MND1: variants seen among roughly 807,000 people sequenced by gnomAD.
MND1 encodes the protein meiotic nuclear division protein 1 homolog.
A neutral mutation model predicts 35.1 loss-of-function variants in MND1; 28 were observed. That is an observed-to-expected ratio of 0.80 (90% CI 0.59 to 1.09). The LOEUF is 1.09. MND1 is among the 50% of genes least tolerant of loss of function. The probability of loss-of-function intolerance (pLI) is 0.00; values close to 1 mark genes in which losing one functional copy is unlikely to be tolerated. For missense variants in MND1, 213 were observed against 239.6 expected, an observed-to-expected ratio of 0.89 and a Z score of 0.73; for synonymous variants, 69 against 70.5, an observed-to-expected ratio of 0.98 and a Z score of 0.11.
intron 4 of MND1, among the ~76,000 whole-genome samples, chr4:153,383,026 A>T (rs1310943750): frequency 6.6e-6 from 1 of 152,162 alleles, no homozygotes; most frequent in Non-Finnish European, 1.5e-5. Flanking sequence ...TGTGAAAATA[A>T]TTTTGCTGAT....
At chr4:153,382,373 G>C (rs915824482) in intron 4 of MND1, among the ~76,000 whole-genome samples, 1 of 152,160 alleles carries the variant, frequency 6.6e-6, no homozygotes, top group African/African-American at 2.4e-5. Context: ...CACAACTCTT[G>C]AGCTAGTTTG....
intron 4 of MND1, among the ~76,000 whole-genome samples, chr4:153,371,220 T>A (rs1231482413): frequency 2.0e-5 from 3 of 152,038 alleles, no homozygotes. Context: ...CAGAGTAGAT[T>A]TAGAATAATT....
chr4:153,375,162 A>G (rs1408339703), intron 4 of MND1, among the ~76,000 whole-genome samples: 1 of 152,180 alleles, frequency 6.6e-6, no homozygotes, highest in East Asian at 1.9e-4. Context: ...TTATATAGCT[A>G]TGGGAGACTT....
intron 2 of MND1, among the ~76,000 whole-genome samples, chr4:153,353,449 T>TATATA (rs1773267927): frequency 1.2e-5 from 1 of 83,440 alleles, no homozygotes; most frequent in Non-Finnish European, 2.6e-5. Flanking sequence ...ATATATATAT[T>TATATA]CATCTATCCA....
chr4:153,403,492 G>C (rs1285886772), intron 6 of MND1, among the ~76,000 whole-genome samples: 2 of 152,212 alleles, frequency 1.3e-5, no homozygotes, highest in Non-Finnish European at 2.9e-5. Flanking sequence ...AGAGACTTAA[G>C]TGGCCACACT....
Position 153,380,413 on chromosome 4 carries a change from G to A in MND1, c.277-13849G>A, listed in dbSNP as rs144445217. Among the ~76,000 whole-genome samples, 71 of 152,176 alleles carry A rather than the reference G, an allele frequency of 4.7e-4. 1 individual carries two copies. In the East Asian group the frequency reaches 0.012, roughly 26 times the overall value. ...AGAAAGAAAGATGAACTGTCTTCTT[G>A]GACATCTCTCTTTATCCAGGAGAAG... On this transcript the variant is annotated intron_variant, in intron 4 of 7. Coordinates refer to ENST00000240488, the MANE Select transcript of MND1 (RefSeq NM_032117.4).
intron 3 of MND1, among the ~76,000 whole-genome samples, chr4:153,358,154 A>C (rs769027345): frequency 6.6e-6 from 1 of 152,212 alleles, no homozygotes; most frequent in Non-Finnish European, 1.5e-5. Context: ...AATTAGGCAT[A>C]AAGAACAATT....
At chr4:153,366,664 T>C (rs182952976) in intron 4 of MND1, among the ~76,000 whole-genome samples, 268 of 152,358 alleles carry the variant, frequency 1.8e-3, no homozygotes, top group African/African-American at 6.1e-3. Context: ...TAGAGTGTTA[T>C]TGGTTACAAG....
rs114644558 is a variant in MND1, at chr4:153,350,486, A to G, written c.69+357A>G. ...TTGGATCTCAAACAATAGAAGCCATAGTTCCAGGATTCAAACCAGGGAGGA... is the reference window on the plus strand; with the variant it reads ...TTGGATCTCAAACAATAGAAGCCATGGTTCCAGGATTCAAACCAGGGAGGA... On this transcript the variant is annotated intron_variant, in intron 2 of 7. Transcript: ENST00000240488. 4.2e-3 allele frequency among the ~76,000 whole-genome samples: 643 copies of G among 152,344 alleles called. 4 individuals carry two copies. Among genetic ancestry groups the G allele is most frequent in the African/African-American group, 0.015 (608 of 41,576 alleles).
In MND1 at chr4:153,397,206, A is replaced by G. The variant is rs1454807183; in HGVS notation, c.352-13A>G. Reference sequence around the variant, plus strand: ...GTTTGTCTTAATTGAACATAAAACTATCTGGAATGCAGGAAGAGCGAACCA... The same window carrying G: ...GTTTGTCTTAATTGAACATAAAACTGTCTGGAATGCAGGAAGAGCGAACCA... On this transcript the variant is annotated splice_polypyrimidine_tract_variant and intron_variant, in intron 5 of 7. Coordinates refer to ENST00000240488, the MANE Select transcript of MND1 (RefSeq NM_032117.4). 10 of 1,595,584 alleles carry G rather than the reference A, an allele frequency of 6.3e-6. No homozygotes were observed. Among genetic ancestry groups the G allele is most frequent in the Admixed American group, 3.5e-5 (2 of 57,610 alleles).
intron 3 of MND1, among the ~76,000 whole-genome samples, chr4:153,356,469 C>T (rs1773342842): frequency 2.2e-5 from 3 of 136,188 alleles, no homozygotes; most frequent in African/African-American, 5.5e-5. Context: ...AGGAGAATGG[C>T]GTGAACCCAG....
chr4:153,411,346 C>T (rs1729679253), intron 7 of MND1, among the ~76,000 whole-genome samples: 1 of 152,060 alleles, frequency 6.6e-6, no homozygotes, highest in African/African-American at 2.4e-5. Context: ...AGAAATTCTG[C>T]CCGTCTTAAG....
chr4:153,368,225 A>G (rs957284892), intron 4 of MND1, among the ~76,000 whole-genome samples: 4 of 151,804 alleles, frequency 2.6e-5, no homozygotes, highest in African/African-American at 7.3e-5. Context: ...TCTCCTCTCT[A>G]TTTAGCCAAA....
intron 4 of MND1, among the ~76,000 whole-genome samples, chr4:153,365,530 G>GT (rs938236712): frequency 1.1e-4 from 16 of 152,034 alleles, no homozygotes; most frequent in African/African-American, 3.9e-4. Context: ...AGTTACAGTG[G>GT]TTTTTTTATT....
intron 4 of MND1, among the ~76,000 whole-genome samples, chr4:153,384,471 T>C (rs1728799065): frequency 1.6e-5 from 2 of 124,690 alleles, no homozygotes; most frequent in Admixed American, 1.7e-4. Context: ...TTTTTTTTTT[T>C]TGTCAGAGAT....
chr4:153,360,543 C>A (rs1327720545), intron 4 of MND1, among the ~76,000 whole-genome samples: 1 of 150,782 alleles, frequency 6.6e-6, no homozygotes, highest in African/African-American at 2.4e-5. Context: ...ACATACATGT[C>A]CAAAGTAACT....
intron 4 of MND1, among the ~76,000 whole-genome samples, chr4:153,366,339 T>C (rs1055498945): frequency 8.5e-5 from 13 of 152,152 alleles, no homozygotes; most frequent in African/African-American, 3.1e-4. Context: ...CCTCCTATCT[T>C]TGGGGGACAT....
Position 153,394,328 on chromosome 4 carries a change from T to C in MND1, c.343T>C (p.Cys115Arg), listed in dbSNP as rs1193588066. The part of the protein sequence containing the change: ...KSIEKAKIGR[C>R]ETEERTRLAK... ...CATTGAGAAAGCTAAAATTGGCCGA[T>C]GTGAAACGGTAAGTTTGTGTCTATA... The change falls in exon 5 of 8, where the codon TGT becomes CGT. Residue 115 changes from cysteine to arginine, a missense_variant. By Grantham distance (180) the Cys-to-Arg change is radical. Transcript: ENST00000240488. The C allele has an allele frequency of 4.3e-6, 7 of 1,611,704 alleles. No homozygotes were observed. Among genetic ancestry groups the C allele is most frequent in the Admixed American group, 1.7e-5 (1 of 59,874 alleles).
At chr4:153,397,373 A>T in intron 6 of MND1, 40 bp downstream of exon 6, 1 of 1,435,152 alleles carries the variant, frequency 7.0e-7, no homozygotes, top group Non-Finnish European at 9.6e-7. Context: ...TAACTTTGAT[A>T]ATGAAGAAGA....
Sources: allele counts gnomAD v4.1 joint callset (sites outside exome capture counted in the v4.1 genomes callset), GRCh38; gene constraint gnomAD v4.1.1; transcripts MANE v1.5; gene names NCBI Gene and HGNC (gene_info 2026-07-23, HGNC 2026-07-21).